Variants in ZEB1 observed in about 807,000 individuals in gnomAD.
The protein encoded by ZEB1 is zinc finger E-box-binding homeobox 1.
Under a neutral mutation model 84.9 loss-of-function variants are expected in ZEB1, and 21 were observed. The observed-to-expected ratio is 0.25, with a 90% CI of 0.18 to 0.36. The LOEUF (loss-of-function observed/expected upper bound fraction) is 0.36, where lower values mean the gene tolerates loss of function less well. Ranked by LOEUF, ZEB1 falls within the 10% of genes least tolerant of loss-of-function variation. The pLI, the probability that ZEB1 is intolerant of heterozygous loss-of-function variation, is 1.00. For missense variants in ZEB1, 1,104 were observed against 1,330.2 expected, an observed-to-expected ratio of 0.83 and a Z score of 2.65; for synonymous variants, 420 against 471.1, an observed-to-expected ratio of 0.89 and a Z score of 1.41.
chr10:31,498,746 C>G (rs1377269853), intron 3 of ZEB1, among the ~76,000 whole-genome samples: 1 of 151,762 alleles, frequency 6.6e-6, no homozygotes, highest in Non-Finnish European at 1.5e-5. Context: ...TATATTAATA[C>G]CTATTATCTT....
chr10:31,330,759 T>C (rs1313763132), intron 1 of ZEB1, among the ~76,000 whole-genome samples: 1 of 152,178 alleles, frequency 6.6e-6, no homozygotes, highest in Non-Finnish European at 1.5e-5. Flanking sequence ...GGGTTTATTA[T>C]ATTTATTTCT....
chr10:31,381,878 G>T (rs902625639), intron 1 of ZEB1: 3 of 152,024 alleles, frequency 2.0e-5, no homozygotes, highest in Admixed American at 2.0e-4. Context: ...GGGTGTGGTG[G>T]TGCACGCCTG....
At chr10:31,396,465 C>T (rs2050747071) in intron 1 of ZEB1, among the ~76,000 whole-genome samples, 1 of 152,118 alleles carries the variant, frequency 6.6e-6, no homozygotes, top group Admixed American at 6.6e-5. Flanking sequence ...AATTTGGGTC[C>T]TGACAAATAG....
chr10:31,419,968 C>T lies in ZEB1; in HGVS notation c.59-41069C>T, dbSNP rs2055873563. ...ATTAGCCTGTCTGTAGTCCCAGCCT[C>T]AGTATCTGGAATATCCTAGGTGAAG... On this transcript the variant is annotated intron_variant, in intron 1 of 8. Coordinates refer to ENST00000424869, the MANE Select transcript of ZEB1 (RefSeq NM_001174096.2). 3.3e-5 allele frequency among the ~76,000 whole-genome samples: 5 copies of T among 152,138 alleles called. No homozygotes were observed. The South Asian group carries it at 1.0e-3, about 32-fold the overall frequency.
chr10:31,455,922 A>T (rs2061157823), intron 1 of ZEB1, among the ~76,000 whole-genome samples: 1 of 152,204 alleles, frequency 6.6e-6, no homozygotes, highest in African/African-American at 2.4e-5. Context: ...TACCCAAAGG[A>T]TTATAAATCA....
At chr10:31,511,511 A>G (rs1388412846) in intron 5 of ZEB1, among the ~76,000 whole-genome samples, 1 of 152,202 alleles carries the variant, frequency 6.6e-6, no homozygotes, top group African/African-American at 2.4e-5. Flanking sequence ...TGCTGGTTCT[A>G]TATTTAGGAT....
chr10:31,447,594 T>TTAA (rs2059951801), intron 1 of ZEB1, among the ~76,000 whole-genome samples: 1 of 137,586 alleles, frequency 7.3e-6, no homozygotes, highest in Non-Finnish European at 1.5e-5. Context: ...TCAGGAGCTC[T>TTAA]TTTAGGGCAG....
chr10:31,363,968 G>A (rs911788944), intron 1 of ZEB1: 9 of 1,293,232 alleles, frequency 7.0e-6, no homozygotes, highest in Non-Finnish European at 8.9e-6. Flanking sequence ...AAGGCCTCAC[G>A]GACAAGACGA....
intron 1 of ZEB1, among the ~76,000 whole-genome samples, chr10:31,446,935 G>T (rs1325316094): frequency 1.3e-5 from 2 of 152,108 alleles, no homozygotes; most frequent in Admixed American, 6.5e-5. Flanking sequence ...AGGTCTGCTT[G>T]GTTCAGAGCT....
At chr10:31,501,728 T>C (rs1468824280) in intron 3 of ZEB1, among the ~76,000 whole-genome samples, 3 of 152,154 alleles carry the variant, frequency 2.0e-5, no homozygotes, top group Non-Finnish European at 4.4e-5. Context: ...ATACATATGA[T>C]AAAGTTTAAT....
At chr10:31,414,031 G>A (rs2054768177) in intron 1 of ZEB1, among the ~76,000 whole-genome samples, 1 of 152,058 alleles carries the variant, frequency 6.6e-6, no homozygotes, top group African/African-American at 2.4e-5. Flanking sequence ...CCAAGCACTA[G>A]CAAATTCGGA....
chr10:31,335,920 TA>T, intron 1 of ZEB1, among the ~76,000 whole-genome samples: 2 of 152,312 alleles, frequency 1.3e-5, no homozygotes, highest in Admixed American at 1.3e-4. Context: ...CAAATTCAAT[TA>T]TTTTTCAGAC....
At chr10:31,385,302 A>G (rs1183264808) in intron 1 of ZEB1, among the ~76,000 whole-genome samples, 1 of 152,192 alleles carries the variant, frequency 6.6e-6, no homozygotes, top group African/African-American at 2.4e-5. Flanking sequence ...GAAATGCACC[A>G]TACACATTGT....
chr10:31,438,215 G>C (rs983701364), intron 1 of ZEB1, among the ~76,000 whole-genome samples: 1 of 152,166 alleles, frequency 6.6e-6, no homozygotes, highest in African/African-American at 2.4e-5. Flanking sequence ...AGTCACTTGT[G>C]CTGGTGTTCA....
At chr10:31,401,699 A>T (rs1282420217) in intron 1 of ZEB1, among the ~76,000 whole-genome samples, 1 of 152,022 alleles carries the variant, frequency 6.6e-6, no homozygotes, top group Non-Finnish European at 1.5e-5. Flanking sequence ...GGCAGAAGAG[A>T]CTCCACTAAT....
chr10:31,324,760 T>A lies in ZEB1; in HGVS notation c.58+5468T>A, dbSNP rs371432745. Among the ~76,000 whole-genome samples the A allele has an allele frequency of 1.4e-4, 21 of 152,174 alleles. No homozygotes were observed. The South Asian group carries it at 4.3e-3, about 32-fold the overall frequency. ...TTTAAACTAGAAAAAGTGTCCTGAT[T>A]AGGAAATATGATAAAATGATTTTTT... is the stretch of plus-strand genomic sequence containing the variant. On this transcript the variant is annotated intron_variant, in intron 1 of 8. Transcript: ENST00000424869.
chr10:31,458,210 C>T (rs1164017835), intron 1 of ZEB1, among the ~76,000 whole-genome samples: 3 of 151,936 alleles, frequency 2.0e-5, no homozygotes, highest in African/African-American at 7.3e-5. Flanking sequence ...TATATAAATG[C>T]CAACTTAAAA....
chr10:31,477,982 A>C (rs161234), intron 2 of ZEB1, among the ~76,000 whole-genome samples: 11,873 of 151,994 alleles, frequency 0.078, 657 homozygotes, highest in African/African-American at 0.16. Context: ...ACCCCAAAAG[A>C]AAATAAAACA....
chr10:31,423,978 T>G (rs991580999), intron 1 of ZEB1, among the ~76,000 whole-genome samples: 1 of 152,070 alleles, frequency 6.6e-6, no homozygotes, highest in Admixed American at 6.6e-5. Flanking sequence ...TTAGAAAGTA[T>G]ACTTCATACA....
Sources: allele counts gnomAD v4.1 joint callset (sites outside exome capture counted in the v4.1 genomes callset), GRCh38; gene constraint gnomAD v4.1.1; transcripts MANE v1.5; gene names NCBI Gene and HGNC (gene_info 2026-07-23, HGNC 2026-07-21).